The following GPATCH8 variants were observed in gnomAD, a reference collection of about 807,000 sequenced individuals.
GPATCH8 encodes the protein G patch domain-containing protein 8.
In GPATCH8, 18 loss-of-function variants were observed where a neutral mutation model predicts 118.3. The observed-to-expected ratio is 0.15, with a 90% CI of 0.11 to 0.23. The LOEUF is 0.23. Ranked by LOEUF, GPATCH8 falls within the 10% of genes least tolerant of loss-of-function variation. The pLI is 1.00. For synonymous variants in GPATCH8, 659 were observed against 684.7 expected, an observed-to-expected ratio of 0.96 and a Z score of 0.59; for missense variants, 1,631 against 1,873.8, an observed-to-expected ratio of 0.87 and a Z score of 2.39.
intron 6 of GPATCH8, among the ~76,000 whole-genome samples, chr17:44,415,674 A>G (rs1236683621): frequency 6.6e-6 from 1 of 152,236 alleles, no homozygotes; most frequent in Non-Finnish European, 1.5e-5. Flanking sequence ...AGCTCTTTAC[A>G]GTACTGTCAC....
chr17:44,460,435 C>T (rs556032355), intron 3 of GPATCH8, among the ~76,000 whole-genome samples: 43 of 152,168 alleles, frequency 2.8e-4, no homozygotes, highest in African/African-American at 9.6e-4. Flanking sequence ...AAAATAAACT[C>T]AGTTTACAAA....
intron 1 of GPATCH8, among the ~76,000 whole-genome samples, chr17:44,493,596 A>G (rs1207760001): frequency 6.6e-6 from 1 of 152,180 alleles, no homozygotes. Context: ...AGAATACTAT[A>G]CAAGAAATCA....
At chr17:44,438,444 A>G (rs1227191330) in intron 3 of GPATCH8, among the ~76,000 whole-genome samples, 2 of 152,120 alleles carry the variant, frequency 1.3e-5, no homozygotes, top group African/African-American at 2.4e-5. Flanking sequence ...TGACAGTATT[A>G]GAATTTAATG....
chr17:44,416,482 A>T (rs2049689335), intron 6 of GPATCH8, among the ~76,000 whole-genome samples: 1 of 152,232 alleles, frequency 6.6e-6, no homozygotes, highest in Non-Finnish European at 1.5e-5. Context: ...TTATTAAGCA[A>T]AACAGACCCC....
chr17:44,492,803 T>G (rs1483312441), intron 1 of GPATCH8, among the ~76,000 whole-genome samples: 2 of 152,088 alleles, frequency 1.3e-5, no homozygotes, highest in Admixed American at 6.6e-5. Context: ...AACTTGAGAG[T>G]ATCCAGTAGA....
chr17:44,403,219 G>A (rs1229949258), intron 7 of GPATCH8, among the ~76,000 whole-genome samples: 1 of 152,102 alleles, frequency 6.6e-6, no homozygotes, highest in Admixed American at 6.6e-5. Context: ...GGGACTACAG[G>A]CATGTACCAC....
At chr17:44,434,635 C>T (rs929443557) in intron 5 of GPATCH8, among the ~76,000 whole-genome samples, 1 of 152,114 alleles carries the variant, frequency 6.6e-6, no homozygotes, top group Non-Finnish European at 1.5e-5. Context: ...GTCAGGAGTT[C>T]GAGACCAGCC....
chr17:44,487,783 A>T (rs1255170804), intron 1 of GPATCH8, among the ~76,000 whole-genome samples: 30 of 152,154 alleles, frequency 2.0e-4, no homozygotes, highest in Admixed American at 2.0e-3. Context: ...GACTACATTT[A>T]TGTTGGGGGT....
chr17:44,413,821 C>T (rs1350700912), intron 6 of GPATCH8, among the ~76,000 whole-genome samples: 1 of 151,884 alleles, frequency 6.6e-6, no homozygotes, highest in African/African-American at 2.4e-5. Context: ...GGTTTTGCCA[C>T]GCTGGCCAGG....
At chr17:44,441,579 C>T (rs2050690432) in intron 3 of GPATCH8, among the ~76,000 whole-genome samples, 1 of 150,384 alleles carries the variant, frequency 6.6e-6, no homozygotes, top group South Asian at 2.1e-4. Context: ...CAAAAATTAG[C>T]TGGGCGTGGT....
chr17:44,406,565 T>A (rs2049240467), intron 6 of GPATCH8, among the ~76,000 whole-genome samples: 1 of 147,598 alleles, frequency 6.8e-6, no homozygotes, highest in Non-Finnish European at 1.5e-5. Flanking sequence ...AAAAGGTGGT[T>A]TTTTTTTCTT....
Position 44,399,595 on chromosome 17 carries a change from G to C in GPATCH8, c.2482C>G (p.Leu828Val). The part of the protein sequence containing the change: ...EDSDDASSHR[L>V]HQKSPSQYSE... Reference sequence around the variant, plus strand: ...TACTGGGATGGAGACTTCTGGTGCAGCCGGTGTGAGGAAGCATCATCACTA... The same window carrying C: ...TACTGGGATGGAGACTTCTGGTGCACCCGGTGTGAGGAAGCATCATCACTA... The change falls in exon 8 of 8, where the codon CTG (leucine) becomes GTG (valine). Residue 828 changes from leucine to valine, a missense_variant. Around this residue, in one of 8 missense-constraint regions of GPATCH8, gnomAD observed 922 missense variants for 879.7 expected, o/e 1.05. Transcript: ENST00000591680. 1 of 1,614,200 alleles carries C rather than the reference G, an allele frequency of 6.2e-7. No homozygotes were observed. The highest frequency in any genetic ancestry group is 8.5e-7 in the Non-Finnish European group (1 of 1,180,024).
At chr17:44,494,313 CG>C (rs1969500328) in intron 1 of GPATCH8, among the ~76,000 whole-genome samples, 1 of 152,078 alleles carries the variant, frequency 6.6e-6, no homozygotes, top group South Asian at 2.1e-4. Context: ...ATGGTCCGGC[CG>C]GGCACGGTGG....
In GPATCH8 at chr17:44,400,634, C is replaced by T; in HGVS notation, c.1443G>A (p.Glu481=). The change falls in exon 8 of 8, where the codon GAG becomes GAA. Residue 481 remains glutamate (E), a synonymous_variant. Transcript: ENST00000591680. ...TEPSEPGSKA[E]AKKALGGDVS... ...CATCCCCTCCTAAGGCCTTCTTTGC[C>T]TCAGCTTTGCTTCCTGGTTCTGAGG... 6.2e-7 allele frequency: 1 copy of T among 1,613,918 alleles called. No individual in the cohort carries two copies. Among genetic ancestry groups the T allele is most frequent in the Non-Finnish European group, 8.5e-7 (1 of 1,179,840 alleles).
At chr17:44,477,064 A>C (rs1452940892) in intron 1 of GPATCH8, among the ~76,000 whole-genome samples, 6 of 152,350 alleles carry the variant, frequency 3.9e-5, no homozygotes, top group Middle Eastern at 3.4e-3. Context: ...CAGTGTGTGG[A>C]AAGATATGAT....
At chr17:44,464,590 T>A in intron 2 of GPATCH8, 46 bp from the exon 3 acceptor site, 1 of 1,049,246 alleles carries the variant, frequency 9.5e-7, no homozygotes, top group Non-Finnish European at 1.5e-6. Flanking sequence ...TCCAATAATA[T>A]ATTCTTCCCT....
At position 44,458,699 on chromosome 17, in the gene GPATCH8, A is replaced by T. The variant is rs75175145; in HGVS notation, c.193+5773T>A. Among the ~76,000 whole-genome samples, 683 of 152,030 alleles carry T rather than the reference A, an allele frequency of 4.5e-3. 4 individuals are homozygous for T. The highest frequency in any genetic ancestry group is 0.016 in the African/African-American group (656 of 41,482). Reference sequence around the variant, plus strand: ...ACCATGCCTGGCTAATCTATTTTTTAAAATTTTTTAGGAACTGGGTCTTGT... The same window carrying T: ...ACCATGCCTGGCTAATCTATTTTTTTAAATTTTTTAGGAACTGGGTCTTGT... On this transcript the variant is annotated intron_variant, in intron 3 of 7. Transcript: ENST00000591680.
At chr17:44,497,346 T>C (rs1969732483) in intron 1 of GPATCH8, among the ~76,000 whole-genome samples, 1 of 152,114 alleles carries the variant, frequency 6.6e-6, no homozygotes, top group Admixed American at 6.5e-5. Flanking sequence ...TCTCAACACT[T>C]TGAGGGGCCG....
At chr17:44,460,084 G>A (rs1194246696) in intron 3 of GPATCH8, among the ~76,000 whole-genome samples, 1 of 152,082 alleles carries the variant, frequency 6.6e-6, no homozygotes, top group African/African-American at 2.4e-5. Flanking sequence ...TAAAAATTTT[G>A]AACTACATTC....
Sources: allele counts gnomAD v4.1 joint callset (sites outside exome capture counted in the v4.1 genomes callset), GRCh38; gene constraint gnomAD v4.1.1; regional missense constraint gnomAD v4.1.1; transcripts MANE v1.5; gene names NCBI Gene and HGNC (gene_info 2026-07-23, HGNC 2026-07-21).